ZFP41: variants seen among roughly 807,000 people sequenced by gnomAD.
The protein encoded by ZFP41 is zinc finger protein 41 homolog.
In ZFP41, 10 loss-of-function variants were observed where a neutral mutation model predicts 11.6. That is an observed-to-expected ratio of 0.86 (90% CI 0.53 to 1.47). The LOEUF is 1.47. Ranked by LOEUF, ZFP41 falls within the 40% of genes most tolerant of loss-of-function variation. The pLI is 0.00. For missense variants in ZFP41, 302 were observed against 264.6 expected (o/e 1.14, Z -0.98); for synonymous variants, 123 against 100.9 (o/e 1.22, Z -1.31).
rs1283959015 is a variant in ZFP41 at position 143,250,128 on chromosome 8, C to T, written c.285C>T (p.Ile95=). ...KPYECSECGR[I]FKHKTDHIRH... Reference sequence around the variant, plus strand: ...ATGAGTGCAGTGAGTGTGGGCGGATCTTTAAGCACAAGACAGACCACATTC... The same window carrying T: ...ATGAGTGCAGTGAGTGTGGGCGGATTTTTAAGCACAAGACAGACCACATTC... The change falls in exon 2 of 3, where the codon ATC becomes ATT. Residue 95 remains isoleucine (I), a synonymous_variant. Transcript: ENST00000330701. 2 of 1,614,188 alleles carry T rather than the reference C, an allele frequency of 1.2e-6. No individual in the cohort carries two copies. Among genetic ancestry groups the T allele is most frequent in the Non-Finnish European group, 1.7e-6 (2 of 1,180,036 alleles).
rs143326313 is a variant in ZFP41 at position 143,249,817 on chromosome 8, G to A, written c.-27G>A. ...CAACAGAGAGGTCAGCAGCCCCTTA[G>A]CCCTCACGCTTCCAAGGAACAGAAT... On this transcript the variant is annotated 5_prime_UTR_variant, in exon 2 of 3. Transcript: ENST00000330701. The A allele has an allele frequency of 2.6e-6, 4 of 1,552,300 alleles. No homozygotes were observed. The Admixed American group carries it at 8.3e-5, about 32-fold the overall frequency.
chr8:143,247,341 T>G (rs915950424), intron 1 of ZFP41, 199 bp downstream of exon 1: 37 of 152,224 alleles, frequency 2.4e-4, no homozygotes, highest in African/African-American at 8.7e-4. Flanking sequence ...AGCCTCTAAC[T>G]AGGAGCACGC....
At chr8:143,252,719 C>T in intron 2 of ZFP41, 8 of 804,908 alleles carry the variant, frequency 9.9e-6, no homozygotes, top group African/African-American at 1.9e-5. Flanking sequence ...TGGGCGTGTG[C>T]TGGGGAGGCC....
Position 143,249,919 on chromosome 8 carries a change from A to T in ZFP41, c.76A>T (p.Arg26Ter). 2 of 1,613,818 alleles carry T rather than the reference A, an allele frequency of 1.2e-6. No homozygotes were observed. The highest frequency in any genetic ancestry group is 2.2e-5 in the South Asian group (2 of 91,066). The change falls in exon 2 of 3, where the codon AGA becomes TGA. Residue 26 changes from arginine to a stop codon, truncating the protein, a stop_gained. Transcript: ENST00000330701. LOFTEE classifies it high-confidence loss of function. ...GGCAGACGTGCAGAAGAGTGCGCTC[A>T]GAGAGGAGAAGGTGTCCGGGGACAG... ...EEADVQKSAL[R>*]EEKVSGDRKP... is the part of the protein sequence containing the mutation.
chr8:143,249,696 G>A lies in ZFP41; in HGVS notation c.-148G>A, dbSNP rs1816758396. On this transcript the variant is annotated 5_prime_UTR_variant, in exon 2 of 3. Coordinates refer to ENST00000330701, the MANE Select transcript of ZFP41 (RefSeq NM_173832.6). ...TGTTCTTGCTTCTCCCCAGCACCAA[G>A]AGGATGGTGGCCCTTGGCCTCCTGG... 2 of 1,306,638 alleles carry A rather than the reference G, an allele frequency of 1.5e-6. No homozygotes were observed. Among genetic ancestry groups the A allele is most frequent in the Non-Finnish European group, 2.0e-6 (2 of 983,756 alleles). The allele number at this position is 1,306,638 out of a possible 1,614,324, so 80.9% of individuals were successfully genotyped here.
intron 2 of ZFP41, among the ~76,000 whole-genome samples, chr8:143,256,491 TGGG>T (rs1814917243): frequency 6.6e-6 from 1 of 152,092 alleles, no homozygotes; most frequent in Non-Finnish European, 1.5e-5. Flanking sequence ...ACACACGAAA[TGGG>T]GGCCATGCAA....
chr8:143,246,966 GGGAC>G lies in ZFP41; in HGVS notation c.-329_-326del, dbSNP rs1422720182. On this transcript the variant is annotated 5_prime_UTR_variant, in exon 1 of 3. Coordinates refer to ENST00000330701, the MANE Select transcript of ZFP41 (RefSeq NM_173832.6). ...TTCCTGCCGGTGCCTAGGGCCGACGGGGACGCTGGCACTGGTGGGGAGCTGTTGG... is the reference window on the plus strand; with the variant it reads ...TTCCTGCCGGTGCCTAGGGCCGACGGGCTGGCACTGGTGGGGAGCTGTTGG... 1 of 152,420 alleles carries G rather than the reference GGGAC, an allele frequency of 6.6e-6. No homozygotes were observed. Among genetic ancestry groups the G allele is most frequent in the Admixed American group, 6.5e-5 (1 of 15,292 alleles). The allele number at this position is 152,420 out of a possible 1,614,324, so 9.4% of individuals were successfully genotyped here.
At chr8:143,251,906 C>T (rs1814772450) in intron 2 of ZFP41, among the ~76,000 whole-genome samples, 3 of 152,210 alleles carry the variant, frequency 2.0e-5, no homozygotes, top group Admixed American at 6.5e-5. Context: ...GTTGGAAGCA[C>T]ATTCCACACG....
intron 2 of ZFP41, among the ~76,000 whole-genome samples, chr8:143,258,714 A>G (rs1814969682): frequency 6.6e-6 from 1 of 152,248 alleles, no homozygotes; most frequent in Admixed American, 6.5e-5. Context: ...CATCTCTAGA[A>G]AAAAGAAAAA....
In ZFP41 at chr8:143,250,417, C is replaced by G. The variant is rs200699856; in HGVS notation, c.574C>G (p.Arg192Gly). The G allele has an allele frequency of 1.2e-6, 2 of 1,611,444 alleles. No homozygotes were observed. Among genetic ancestry groups the G allele is most frequent in the Non-Finnish European group, 1.7e-6 (2 of 1,178,314 alleles). ...YSSCLIRHQK[R>G]HPRKKP Reference sequence around the variant, plus strand: ...CTCCTGTCTCATCCGCCATCAGAAACGCCACCCTCGGAAGAAGCCCTGAGC... The same window carrying G: ...CTCCTGTCTCATCCGCCATCAGAAAGGCCACCCTCGGAAGAAGCCCTGAGC... The change falls in exon 2 of 3, where the codon CGC becomes GGC. Residue 192 changes from arginine (R) to glycine (G), a missense_variant. Arg to Gly is a moderately radical substitution (Grantham distance 125). Coordinates refer to ENST00000330701, the MANE Select transcript of ZFP41 (RefSeq NM_173832.6).
intron 2 of ZFP41, among the ~76,000 whole-genome samples, chr8:143,252,138 C>G (rs1191773891): frequency 6.6e-6 from 1 of 152,260 alleles, no homozygotes; most frequent in Non-Finnish European, 1.5e-5. Flanking sequence ...GAAAATAAAA[C>G]TCCCGTAAAT....
intron 2 of ZFP41, among the ~76,000 whole-genome samples, chr8:143,259,055 C>T (rs985299958): frequency 1.1e-4 from 16 of 152,234 alleles, no homozygotes; most frequent in Admixed American, 5.2e-4. Context: ...GACACAACAA[C>T]GTTCATGGCA....
Position 143,250,018 on chromosome 8 carries a change from C to A in ZFP41, c.175C>A (p.His59Asn). 1 of 1,614,172 alleles carries A rather than the reference C, an allele frequency of 6.2e-7. No homozygotes were observed. The highest frequency in any genetic ancestry group is 1.7e-5 in the Admixed American group (1 of 60,022). ...CTGCCTGAGTCCTGAAGACGAAGAG[C>A]ACGTCTTTGATGCCTTCGACGCTTC... Reference protein sequence around the residue: ...EPCLSPEDEEHVFDAFDASFK... With the variant: ...EPCLSPEDEENVFDAFDASFK... The change falls in exon 2 of 3, where the codon CAC becomes AAC. Residue 59 changes from histidine (H) to asparagine (N), a missense_variant. Physicochemically the swap from His to Asn is moderately conservative, Grantham distance 68. Transcript: ENST00000330701.
intron 2 of ZFP41, among the ~76,000 whole-genome samples, chr8:143,254,048 G>A (rs533869592): frequency 6.6e-6 from 1 of 152,290 alleles, no homozygotes; most frequent in South Asian, 2.1e-4. Context: ...ACAGGAGGCG[G>A]AGCTTAGGCG....
At chr8:143,254,527 A>G (rs534846400) in intron 2 of ZFP41, among the ~76,000 whole-genome samples, 4 of 152,144 alleles carry the variant, frequency 2.6e-5, no homozygotes, top group Non-Finnish European at 4.4e-5. Context: ...AGGATGGCCC[A>G]GGAGACGGGC....
chr8:143,249,331 A>C (rs1285216411), intron 1 of ZFP41: 2 of 156,122 alleles, frequency 1.3e-5, no homozygotes, highest in African/African-American at 4.8e-5. Flanking sequence ...GTAGCTTCAA[A>C]GCACGGTGAC....
intron 2 of ZFP41, among the ~76,000 whole-genome samples, chr8:143,254,505 A>T (rs1458969087): frequency 6.6e-6 from 1 of 152,216 alleles, no homozygotes; most frequent in Non-Finnish European, 1.5e-5. Flanking sequence ...GCAAGTGTGG[A>T]CACGGCTGTC....
Position 143,250,251 on chromosome 8 carries a change from TCA to T in ZFP41, c.412_413del (p.Thr138GlyfsTer15), listed in dbSNP as rs1563725763. 2 of 1,613,950 alleles carry T rather than the reference TCA, an allele frequency of 1.2e-6. No individual in the cohort carries two copies. The highest frequency in any genetic ancestry group is 2.2e-5 in the East Asian group (1 of 44,874). Reference sequence around the variant, plus strand: ...CTGACGTCACCAAACACCAGAGGACTCACACGGGAGAGAAGCCCTTCAAATGC... The same window carrying T: ...CTGACGTCACCAAACACCAGAGGACTCACGGGAGAGAAGCCCTTCAAATGC... ...SSDVTKHQRT[H>X]TGEKPFKCGE... On this transcript the variant is annotated frameshift_variant, in exon 2 of 3. Coordinates refer to ENST00000330701, the MANE Select transcript of ZFP41 (RefSeq NM_173832.6). LOFTEE classifies it high-confidence loss of function.
At position 143,249,970 on chromosome 8, in the gene ZFP41, C is replaced by T; in HGVS notation, c.127C>T (p.Pro43Ser). 2.5e-6 allele frequency: 4 copies of T among 1,614,056 alleles called. No individual in the cohort carries two copies. Among genetic ancestry groups the T allele is most frequent in the Non-Finnish European group, 3.4e-6 (4 of 1,179,980 alleles). The change falls in exon 2 of 3, where the codon CCC becomes TCC. Residue 43 changes from proline to serine, a missense_variant. Transcript: ENST00000330701. ...AAAGCCACCTGAGAGGCCCACTGTG[C>T]CCAGGAAGCCCCGCACAGAGCCCTG... ...DRKPPERPTV[P>S]RKPRTEPCLS...
Sources: allele counts gnomAD v4.1 joint callset (sites outside exome capture counted in the v4.1 genomes callset), GRCh38; gene constraint gnomAD v4.1.1; transcripts MANE v1.5; gene names NCBI Gene and HGNC (gene_info 2026-07-23, HGNC 2026-07-21).